The following FILIP1 variants were observed in gnomAD, a reference collection of about 807,000 sequenced individuals.
The protein encoded by FILIP1 is filamin-A-interacting protein 1.
A neutral mutation model predicts 102.1 loss-of-function variants in FILIP1; 61 were observed. The ratio of observed to expected loss-of-function variants is 0.60; its 90% confidence interval spans 0.49 to 0.74. FILIP1 has a LOEUF of 0.74. Ranked by LOEUF, FILIP1 falls within the 30% of genes least tolerant of loss-of-function variation. The pLI, the probability that FILIP1 is intolerant of heterozygous loss-of-function variation, is 0.00. For missense variants in FILIP1, 1,314 were observed against 1,441.2 expected, an observed-to-expected ratio of 0.91 and a Z score of 1.43; for synonymous variants, 491 against 526.9, an observed-to-expected ratio of 0.93 and a Z score of 0.93.
At chr6:75,425,891 C>T (rs1422171059) in intron 1 of FILIP1, among the ~76,000 whole-genome samples, 1 of 151,864 alleles carries the variant, frequency 6.6e-6, no homozygotes, top group Non-Finnish European at 1.5e-5. Context: ...CTCTCATTAT[C>T]CTCATATAGG....
intron 1 of FILIP1, among the ~76,000 whole-genome samples, chr6:75,456,338 T>C (rs999908730): frequency 5.9e-5 from 9 of 152,170 alleles, no homozygotes; most frequent in African/African-American, 1.9e-4. Flanking sequence ...AAAGAAGCAG[T>C]ATCTCCTCTC....
At chr6:75,316,263 G>T (rs1223441639) in intron 4 of FILIP1, among the ~76,000 whole-genome samples, 4 of 151,994 alleles carry the variant, frequency 2.6e-5, no homozygotes, top group African/African-American at 7.2e-5. Context: ...AATCATATTT[G>T]CCATGTTAGT....
intron 1 of FILIP1, among the ~76,000 whole-genome samples, chr6:75,417,252 T>C (rs1467805588): frequency 6.6e-6 from 1 of 152,308 alleles, no homozygotes; most frequent in Middle Eastern, 3.4e-3. Flanking sequence ...TAATTACTTT[T>C]CCTTTGGCAT....
intron 4 of FILIP1, among the ~76,000 whole-genome samples, chr6:75,318,422 A>T (rs1035532903): frequency 6.6e-6 from 1 of 151,522 alleles, no homozygotes; most frequent in Non-Finnish European, 1.5e-5. Context: ...TTTTGTAGAG[A>T]CAGAGTCGCC....
chr6:75,319,275 T>A (rs745759271), intron 4 of FILIP1: 3 of 673,886 alleles, frequency 4.5e-6, no homozygotes, highest in Non-Finnish European at 8.5e-6. Flanking sequence ...TTCACACCTG[T>A]CCCAGTTTCT....
At chr6:75,399,546 A>G (rs758494900) in intron 2 of FILIP1, among the ~76,000 whole-genome samples, 14 of 152,226 alleles carry the variant, frequency 9.2e-5, no homozygotes, top group Non-Finnish European at 1.5e-5. Context: ...TTATTTAAAA[A>G]CAAAATATGA....
chr6:75,355,092 C>T lies in FILIP1; in HGVS notation c.451-1375G>A, dbSNP rs538270567. Among the ~76,000 whole-genome samples, 3 of 152,102 alleles carry T rather than the reference C, an allele frequency of 2.0e-5. No homozygotes were observed. The South Asian group carries it at 6.2e-4, about 32-fold the overall frequency. ...TGTGGATTGCTTGAGGTTAGGAGTT[C>T]GAGACCAGCCTGACCAACATGGTGA... is the stretch of plus-strand genomic sequence containing the variant. On this transcript the variant is annotated intron_variant, in intron 3 of 5. Coordinates refer to ENST00000237172, the MANE Select transcript of FILIP1 (RefSeq NM_015687.5).
At chr6:75,473,342 A>G (rs1479671737) in intron 1 of FILIP1, among the ~76,000 whole-genome samples, 2 of 152,216 alleles carry the variant, frequency 1.3e-5, no homozygotes, top group Non-Finnish European at 2.9e-5. Flanking sequence ...TATATAAGAC[A>G]TTTCTGGGAC....
chr6:75,454,840 C>G lies in FILIP1; in HGVS notation c.-7+38574G>C, dbSNP rs542466417. The G allele has an allele frequency of 8.5e-5, 13 of 152,254 alleles. No homozygotes were observed. The East Asian group carries it at 2.5e-3, about 29-fold the overall frequency. The allele number at this position is 152,254 out of a possible 1,614,324, so 9.4% of individuals were successfully genotyped here. On this transcript the variant is annotated intron_variant, in intron 1 of 5. Coordinates refer to ENST00000237172, the MANE Select transcript of FILIP1 (RefSeq NM_015687.5). The stretch of plus-strand genomic sequence containing the variant: ...GTAGGATCAACTAATTTATTCTCAT[C>G]TTTGTCCTAACATCAGCCAGACACT...
intron 6 of FILIP1, among the ~76,000 whole-genome samples, chr6:75,300,013 T>G (rs1182135469): frequency 2.0e-5 from 3 of 152,156 alleles, no homozygotes; most frequent in Admixed American, 2.0e-4. Context: ...GGAGGTCTCC[T>G]TGGCTGTAGA....
chr6:75,334,878 CT>C (rs1774190243), intron 4 of FILIP1: 2 of 152,040 alleles, frequency 1.3e-5, no homozygotes, highest in African/African-American at 4.8e-5. Flanking sequence ...TGCAGATTTA[CT>C]TTGGTCTGTG....
chr6:75,390,373 T>G (rs1032110111), intron 2 of FILIP1, among the ~76,000 whole-genome samples: 3 of 152,166 alleles, frequency 2.0e-5, no homozygotes, highest in Non-Finnish European at 2.9e-5. Flanking sequence ...GCATTTCTAT[T>G]AAGGTAAAGA....
chr6:75,405,379 C>T (rs1397029815), intron 2 of FILIP1, among the ~76,000 whole-genome samples: 1 of 151,774 alleles, frequency 6.6e-6, no homozygotes, highest in African/African-American at 2.4e-5. Context: ...GCTTCTCTGG[C>T]TATGTAAAAC....
At chr6:75,342,680 ACAGGCAT>A (rs2149590011) in intron 4 of FILIP1, among the ~76,000 whole-genome samples, 1 of 152,306 alleles carries the variant, frequency 6.6e-6, no homozygotes, top group East Asian at 1.9e-4. Context: ...ATTCTTCCAC[ACAGGCAT>A]CCTCTGAGAT....
chr6:75,354,421 A>C (rs9343283), intron 3 of FILIP1, among the ~76,000 whole-genome samples: 92,229 of 151,820 alleles, frequency 0.61, 28,111 homozygotes, highest in South Asian at 0.7. Context: ...AAATACAAAA[A>C]TTAGCCGGAT....
At chr6:75,316,989 G>A (rs756578046) in intron 4 of FILIP1, among the ~76,000 whole-genome samples, 1 of 152,108 alleles carries the variant, frequency 6.6e-6, no homozygotes, top group South Asian at 2.1e-4. Context: ...TATTGAAAAC[G>A]TTACTGCTTC....
chr6:75,462,685 T>C (rs1779059909), intron 1 of FILIP1, among the ~76,000 whole-genome samples: 1 of 152,120 alleles, frequency 6.6e-6, no homozygotes, highest in African/African-American at 2.4e-5. Flanking sequence ...CCTTCCTCTC[T>C]CTAAGCTCTA....
At chr6:75,437,385 G>C (rs564830971) in intron 1 of FILIP1, among the ~76,000 whole-genome samples, 1 of 152,178 alleles carries the variant, frequency 6.6e-6, no homozygotes, top group Non-Finnish European at 1.5e-5. Flanking sequence ...TCAATGTTTT[G>C]TTCTTGTTTT....
At position 75,312,518 on chromosome 6, in the gene FILIP1, G is replaced by T; in HGVS notation, c.3314C>A (p.Thr1105Asn). 1 of 1,614,186 alleles carries T rather than the reference G, an allele frequency of 6.2e-7. No individual in the cohort carries two copies. The highest frequency in any genetic ancestry group is 8.5e-7 in the Non-Finnish European group (1 of 1,180,028). ...CCTGGGAGAGCGAAGGACAGTGCCG[G>T]TGGAAACCTCCTTTTCGGCTGTCAC... is the stretch of plus-strand genomic sequence containing the variant. ...VNVTAEKEVSTGTVLRSPRNH... is the reference protein window; with the variant it reads ...VNVTAEKEVSNGTVLRSPRNH... The change falls in exon 5 of 6, where the codon ACC (threonine) becomes AAC (asparagine). Residue 1105 changes from threonine (T) to asparagine (N), a missense_variant. Physicochemically the swap from Thr to Asn is moderately conservative, Grantham distance 65 (BLOSUM62 0). Around this residue, in one of 3 missense-constraint regions of FILIP1, gnomAD observed 816 missense variants for 913.1 expected, o/e 0.89. Coordinates refer to ENST00000237172, the MANE Select transcript of FILIP1 (RefSeq NM_015687.5).
Sources: allele counts gnomAD v4.1 joint callset (sites outside exome capture counted in the v4.1 genomes callset), GRCh38; gene constraint gnomAD v4.1.1; regional missense constraint gnomAD v4.1.1; transcripts MANE v1.5; gene names NCBI Gene and HGNC (gene_info 2026-07-23, HGNC 2026-07-21).